CUX1: variants seen among roughly 807,000 people sequenced by gnomAD.
CUX1 encodes protein CASP.
Under a neutral mutation model 158.8 loss-of-function variants are expected in CUX1, and 31 were observed. The observed-to-expected ratio is 0.20, with a 90% CI of 0.15 to 0.26. The LOEUF (loss-of-function observed/expected upper bound fraction) is 0.26, where lower values mean the gene tolerates loss of function less well. Ranked by LOEUF, CUX1 falls within the 10% of genes least tolerant of loss-of-function variation. The pLI is 1.00. For synonymous variants in CUX1, 879 were observed against 862.1 expected (o/e 1.02, Z -0.34); for missense variants, 1,589 against 2,014.6 (o/e 0.79, Z 4.04).
chr7:102,011,442 T>G (rs1818004426), intron 2 of CUX1, among the ~76,000 whole-genome samples: 1 of 151,922 alleles, frequency 6.6e-6, no homozygotes, highest in African/African-American at 2.4e-5. Context: ...TCTCTTCTGC[T>G]TGCTTGCTTG....
rs1554516376 is a variant in CUX1, at chr7:102,189,680, A to C, written c.1018-133A>C. ...GTGAGGGACAAAAGATGGCCCCAGC[A>C]CCGTTGACTCCATTCGCAAGGGCTG... On this transcript the variant is annotated intron_variant, in intron 11 of 23. Coordinates refer to ENST00000292535, the MANE Select transcript of CUX1 (RefSeq NM_181552.4). 3 of 900,090 alleles carry C rather than the reference A, an allele frequency of 3.3e-6. No homozygotes were observed. The African/African-American group carries it at 4.9e-5, about 15-fold the overall frequency. The allele number at this position is 900,090 out of a possible 1,614,324, so 55.8% of individuals were successfully genotyped here. A position where few individuals can be genotyped will look rare whatever the true frequency, so the allele number is the denominator to read the frequency against.
At chr7:101,941,126 C>T (rs1430298505) in intron 2 of CUX1, among the ~76,000 whole-genome samples, 6 of 152,184 alleles carry the variant, frequency 3.9e-5, no homozygotes, top group South Asian at 2.1e-4. Context: ...TTTCCATGGA[C>T]GCAGCCAGCC....
At position 102,257,004 on chromosome 7, in the gene CUX1, C is replaced by G. The variant is rs1184207345; in HGVS notation, c.*7962C>G. 1 of 985,268 alleles carries G rather than the reference C, an allele frequency of 1.0e-6. No individual in the cohort carries two copies. The highest frequency in any genetic ancestry group is 1.2e-6 in the Non-Finnish European group (1 of 829,938). The allele number at this position is 985,268 out of a possible 1,614,324, so 61.0% of individuals were successfully genotyped here. ...GGGCCCCTTTCCCCTATAGGTGGTT[C>G]AACGTGGAGGAAGGTTGGGTGTGGA... On this transcript the variant is annotated 3_prime_UTR_variant, in exon 24 of 24. Transcript: ENST00000292535.
intron 1 of CUX1, among the ~76,000 whole-genome samples, chr7:101,902,192 C>T (rs376124723): frequency 6.6e-5 from 10 of 152,132 alleles, no homozygotes; most frequent in African/African-American, 1.9e-4. Context: ...GTTGGACAGT[C>T]GGCCGAATCT....
At chr7:102,156,195 C>T (rs1171367182) in intron 8 of CUX1, among the ~76,000 whole-genome samples, 2 of 152,282 alleles carry the variant, frequency 1.3e-5, no homozygotes, top group Non-Finnish European at 2.9e-5. Flanking sequence ...TTTTCCAACT[C>T]TCAGCGTCCA....
At chr7:101,861,962 G>A (rs982838057) in intron 1 of CUX1, among the ~76,000 whole-genome samples, 19 of 152,066 alleles carry the variant, frequency 1.2e-4, no homozygotes, top group African/African-American at 3.6e-4. Flanking sequence ...AGCCTCCCAC[G>A]TAGCTGGGAT....
chr7:101,884,879 G>A (rs556449448), intron 1 of CUX1, among the ~76,000 whole-genome samples: 53 of 152,130 alleles, frequency 3.5e-4, no homozygotes, highest in Non-Finnish European at 6.8e-4. Context: ...TGGAATCCCC[G>A]GCTCCAGTTC....
At chr7:102,231,014 C>T (rs1798911070) in intron 21 of CUX1, among the ~76,000 whole-genome samples, 1 of 144,850 alleles carries the variant, frequency 6.9e-6, no homozygotes, top group African/African-American at 2.6e-5. Context: ...GCACACACCC[C>T]AAGCCCGGCT....
intron 1 of CUX1, among the ~76,000 whole-genome samples, chr7:101,907,386 T>G (rs1235078457): frequency 6.6e-6 from 1 of 152,142 alleles, no homozygotes; most frequent in Non-Finnish European, 1.5e-5. Flanking sequence ...TCTCACTCTG[T>G]TTCCCAGGCT....
chr7:102,056,794 C>G (rs932017473), intron 3 of CUX1, among the ~76,000 whole-genome samples: 3 of 152,174 alleles, frequency 2.0e-5, no homozygotes, highest in Admixed American at 1.3e-4. Context: ...CAGTCTTGAA[C>G]TCCTGACCTC....
At chr7:102,061,018 G>T (rs1201403506) in intron 3 of CUX1, among the ~76,000 whole-genome samples, 1 of 142,778 alleles carries the variant, frequency 7.0e-6, no homozygotes, top group African/African-American at 2.7e-5. Flanking sequence ...TCCGCCTCCA[G>T]GGTTCCAGTG....
At chr7:102,092,799 G>C (rs1188302019) in intron 4 of CUX1, among the ~76,000 whole-genome samples, 10 of 151,358 alleles carry the variant, frequency 6.6e-5, no homozygotes, top group African/African-American at 2.4e-4. Flanking sequence ...TGCAATCTCA[G>C]ATACTTGGGA....
At chr7:102,066,036 G>A (rs1284280705) in intron 3 of CUX1, among the ~76,000 whole-genome samples, 2 of 152,066 alleles carry the variant, frequency 1.3e-5, no homozygotes, top group African/African-American at 4.8e-5. Flanking sequence ...TGATCCACCT[G>A]CCTTGGCCTC....
chr7:101,839,487 C>G (rs999861587), intron 1 of CUX1, among the ~76,000 whole-genome samples: 2 of 152,222 alleles, frequency 1.3e-5, no homozygotes, highest in African/African-American at 4.8e-5. Flanking sequence ...TTCTTTCCCC[C>G]ACAATCTCAT....
chr7:102,045,990 G>A (rs1822739973), intron 3 of CUX1, among the ~76,000 whole-genome samples: 1 of 152,218 alleles, frequency 6.6e-6, no homozygotes, highest in African/African-American at 2.4e-5. Context: ...CTGGGATGTA[G>A]TAGGTGCCTG....
intron 20 of CUX1, among the ~76,000 whole-genome samples, chr7:102,213,904 G>A (rs1254067591): frequency 1.3e-5 from 2 of 151,960 alleles, no homozygotes; most frequent in Non-Finnish European, 2.9e-5. Flanking sequence ...AGGCCAAGGC[G>A]GGTGGATCAC....
downstream of CUX1, among the ~76,000 whole-genome samples, chr7:102,260,903 C>T (rs1790358491): frequency 6.6e-6 from 1 of 152,230 alleles, no homozygotes; most frequent in Non-Finnish European, 1.5e-5. Flanking sequence ...CTTAACATGC[C>T]AGCTTTGGGG....
intron 11 of CUX1, among the ~76,000 whole-genome samples, chr7:102,187,612 T>G (rs1455392103): frequency 6.6e-6 from 1 of 152,006 alleles, no homozygotes; most frequent in Non-Finnish European, 1.5e-5. Flanking sequence ...CCGGCTCCTA[T>G]TCTCTGGATA....
At chr7:101,932,609 GTGC>G (rs1451110720) in intron 2 of CUX1, 4 of 455,676 alleles carry the variant, frequency 8.8e-6, no homozygotes, top group African/African-American at 2.0e-5. Flanking sequence ...TGGTTGATGT[GTGC>G]TCGGGGAAAG....
Sources: gnomAD v4.1 joint callset for allele counts (sites outside exome capture counted in the v4.1 genomes callset) on GRCh38, gnomAD v4.1.1 for gene constraint, MANE v1.5 for transcripts, NCBI Gene and HGNC (gene_info 2026-07-23, HGNC 2026-07-21) for gene names.